GAPDH: variants seen among roughly 807,000 people sequenced by gnomAD.
GAPDH encodes glyceraldehyde-3-phosphate dehydrogenase.
In GAPDH, 13 loss-of-function variants were observed where a neutral mutation model predicts 31.2. That is an observed-to-expected ratio of 0.42 (90% CI 0.27 to 0.66). The LOEUF (loss-of-function observed/expected upper bound fraction) is 0.66, where lower values mean the gene tolerates loss of function less well. GAPDH is among the 30% of genes least tolerant of loss of function. GAPDH has a pLI of 0.26. For missense variants in GAPDH, 300 were observed against 443.7 expected (o/e 0.68, Z 2.91); for synonymous variants, 211 against 166.9 (o/e 1.26, Z -2.04).
intron 2 of GAPDH, 70 bp downstream of exon 2, chr12:6,534,931 G>A: frequency 1.3e-6 from 2 of 1,547,736 alleles, no homozygotes; most frequent in Non-Finnish European, 1.8e-6. Flanking sequence ...AGCCTTGCGG[G>A]CTCCGGGTCT....
In GAPDH at chr12:6,534,798, C is replaced by T. The variant is rs200278792; in HGVS notation, c.-23-12C>T. On this transcript the variant is annotated splice_polypyrimidine_tract_variant and intron_variant, in intron 1 of 8. Coordinates refer to ENST00000229239, the MANE Select transcript of GAPDH (RefSeq NM_002046.7). ...GGCCACTAGGCGCTCACTGTTCTCT[C>T]CCTCCGCGCAGCCGAGCCACATCGC... is the stretch of plus-strand genomic sequence containing the variant. The T allele has an allele frequency of 6.0e-5, 97 of 1,610,704 alleles. No individual in the cohort carries two copies. In the African/African-American group the frequency reaches 9.7e-4, roughly 16 times the overall value.
rs375488179 is a variant in GAPDH, at chr12:6,536,673, T to G, written c.130-11T>G. The G allele has an allele frequency of 1.0e-4, 169 of 1,611,052 alleles. 2 individuals carry two copies. Among genetic ancestry groups the G allele is most frequent in the Non-Finnish European group, 4.6e-5 (54 of 1,177,430 alleles). On this transcript the variant is annotated splice_polypyrimidine_tract_variant and intron_variant, in intron 3 of 8. Coordinates refer to ENST00000229239, the MANE Select transcript of GAPDH (RefSeq NM_002046.7). ...TGGGCAGCCCCTTCATACCCTCACG[T>G]ATTCCCCCAGGTTTACATGTTCCAA...
In GAPDH at chr12:6,536,804, A is replaced by G. The variant is rs1946478176; in HGVS notation, c.236+14A>G. On this transcript the variant is annotated intron_variant, in intron 4 of 8. Transcript: ENST00000229239. ...CATCTTCCAGGAGTGAGTGGAAGAC[A>G]GAATGGAAGAAATGTGCTTTGGGGA... is the stretch of plus-strand genomic sequence containing the variant. 4.4e-6 allele frequency: 7 copies of G among 1,607,302 alleles called. No homozygotes were observed. Among genetic ancestry groups the G allele is most frequent in the Non-Finnish European group, 5.1e-6 (6 of 1,173,712 alleles).
rs1298866363 is a variant in GAPDH at position 6,534,568 on chromosome 12, A to C, written c.-25A>C. ...CAGCCGCATCTTCTTTTGCGTCGCC[A>C]GGTGAAGACGGGCGGAGAGAAACCC... On this transcript the variant is annotated splice_region_variant and 5_prime_UTR_variant, in exon 1 of 9. Transcript: ENST00000229239. The C allele has an allele frequency of 7.5e-6, 4 of 532,890 alleles. No homozygotes were observed. The highest frequency in any genetic ancestry group is 7.0e-5 in the Admixed American group (2 of 28,628). The allele number at this position is 532,890 out of a possible 1,614,324, so 33.0% of individuals were successfully genotyped here.
Position 6,537,938 on chromosome 12 carries a change from ACCT to A in GAPDH, c.881_883del (p.Thr294_Phe295delinsIle). Reference sequence around the variant, plus strand: ...CTTCAACAGCGACACCCACTCCTCCACCTTTGACGCTGGGGCTGGCATTGCCCT... The same window carrying A: ...CTTCAACAGCGACACCCACTCCTCCATTGACGCTGGGGCTGGCATTGCCCT... On this transcript the variant is annotated inframe_deletion, in exon 8 of 9. Transcript: ENST00000229239. The surrounding 1 kb of genome is among the most constrained non-coding windows in gnomAD (Gnocchi z 4.9). 6.2e-7 allele frequency: 1 copy of A among 1,614,050 alleles called. No homozygotes were observed.
In GAPDH at chr12:6,535,171, G is replaced by T. The variant is rs923665488; in HGVS notation, c.29+310G>T. 1.3e-5 allele frequency: 14 copies of T among 1,090,156 alleles called. No homozygotes were observed. The African/African-American group carries it at 2.0e-4, about 15-fold the overall frequency. The allele number at this position is 1,090,156 out of a possible 1,614,324, so 67.5% of individuals were successfully genotyped here. A position where few individuals can be genotyped will look rare whatever the true frequency, so the allele number is the denominator to read the frequency against. ...TGGGGGACGCTTTCTTTCCTTTCGC[G>T]CTCTGCGGGGTCACGTGTCGCAGAG... is the stretch of plus-strand genomic sequence containing the variant. On this transcript the variant is annotated intron_variant, in intron 2 of 8. Coordinates refer to ENST00000229239, the MANE Select transcript of GAPDH (RefSeq NM_002046.7).
chr12:6,534,565 G>A lies in GAPDH; in HGVS notation c.-28G>A. ...AGTCAGCCGCATCTTCTTTTGCGTC[G>A]CCAGGTGAAGACGGGCGGAGAGAAA... On this transcript the variant is annotated 5_prime_UTR_variant, in exon 1 of 9. Transcript: ENST00000229239. 3.8e-6 allele frequency: 2 copies of A among 527,140 alleles called. No homozygotes were observed. Among genetic ancestry groups the A allele is most frequent in the African/African-American group, 2.1e-5 (1 of 48,604 alleles). The allele number at this position is 527,140 out of a possible 1,614,324, so 32.7% of individuals were successfully genotyped here. A position where few individuals can be genotyped will look rare whatever the true frequency, so the allele number is the denominator to read the frequency against.
intron 2 of GAPDH, among the ~76,000 whole-genome samples, chr12:6,536,268 G>A (rs772862276): frequency 8.5e-4 from 129 of 152,360 alleles, no homozygotes; most frequent in South Asian, 1.4e-3. Context: ...GAAGGGCTTC[G>A]TATGACTGGG....
chr12:6,536,598 G>C lies in GAPDH; in HGVS notation c.129+5G>C. 1 of 1,611,856 alleles carries C rather than the reference G, an allele frequency of 6.2e-7. No individual in the cohort carries two copies. The highest frequency in any genetic ancestry group is 8.5e-7 in the Non-Finnish European group (1 of 1,178,454). On this transcript the variant is annotated splice_donor_5th_base_variant and intron_variant, in intron 3 of 8. Coordinates refer to ENST00000229239, the MANE Select transcript of GAPDH (RefSeq NM_002046.7). ...TTCATTGACCTCAACTACATGGTGA[G>C]TGCTACATGGTGAGCCCCAAAGCTG...
chr12:6,538,063 T>C, intron 8 of GAPDH, 38 bp from the exon 9 acceptor site: 1 of 1,599,328 alleles, frequency 6.3e-7, no homozygotes, highest in Non-Finnish European at 8.5e-7. Context: ...GGTGGCTGGC[T>C]CAGAAAAAGG....
At position 6,537,409 on chromosome 12, in the gene GAPDH, G is replaced by A. The variant is rs1281468500; in HGVS notation, c.525+19G>A. On this transcript the variant is annotated intron_variant, in intron 7 of 8. Transcript: ENST00000229239. This position sits in a 1 kb window ranked among gnomAD's most constrained non-coding sequence, Gnocchi z 4.9. ...ACTCATGGTATGAGAGCTGGGGAATGGGACTGAGGCTCCCACCTTTCTCAT... is the reference window on the plus strand; with the variant it reads ...ACTCATGGTATGAGAGCTGGGGAATAGGACTGAGGCTCCCACCTTTCTCAT... 1 of 1,603,560 alleles carries A rather than the reference G, an allele frequency of 6.2e-7. No individual in the cohort carries two copies. The highest frequency in any genetic ancestry group is 8.5e-7 in the Non-Finnish European group (1 of 1,174,214).
At position 6,537,618 on chromosome 12, in the gene GAPDH, CTG is replaced by C. The variant is rs747164357; in HGVS notation, c.563_564del (p.Val188GlyfsTer10). On this transcript the variant is annotated frameshift_variant, in exon 8 of 9. Coordinates refer to ENST00000229239, the MANE Select transcript of GAPDH (RefSeq NM_002046.7). LOFTEE classifies it high-confidence loss of function. The surrounding 1 kb of genome is among the most constrained non-coding windows in gnomAD (Gnocchi z 4.9). ...CATGCCATCACTGCCACCCAGAAGA[CTG>C]TGGATGGCCCCTCCGGGAAACTGTG... 19 of 1,611,944 alleles carry C rather than the reference CTG, an allele frequency of 1.2e-5. No individual in the cohort carries two copies. Among genetic ancestry groups the C allele is most frequent in the Middle Eastern group, 2.1e-4 (1 of 4,760 alleles).
Position 6,537,046 on chromosome 12 carries a change from C to T in GAPDH, c.327+36C>T. 1 of 1,607,868 alleles carries T rather than the reference C, an allele frequency of 6.2e-7. No homozygotes were observed. Among genetic ancestry groups the T allele is most frequent in the South Asian group, 1.1e-5 (1 of 89,494 alleles). On this transcript the variant is annotated intron_variant, in intron 5 of 8. Coordinates refer to ENST00000229239, the MANE Select transcript of GAPDH (RefSeq NM_002046.7). This position sits in a 1 kb window ranked among gnomAD's most constrained non-coding sequence, Gnocchi z 4.9. ...GAGGGCCCGCGGGAGGGGAAGCTGA[C>T]TCAGCCCTGCAAAGGCAGGACCCGG... is the stretch of plus-strand genomic sequence containing the variant.
chr12:6,536,455 GC>G lies in GAPDH; in HGVS notation c.30-37del, dbSNP rs748568337. On this transcript the variant is annotated intron_variant, in intron 2 of 8. Transcript: ENST00000229239. ...AGGGCTGCTCACATATTCTGGAGGA[GC>G]CTCCCCTCCTCATGCCTTCTTGCCT... The G allele has an allele frequency of 2.0e-6, 3 of 1,467,924 alleles. No homozygotes were observed. In the East Asian group the frequency reaches 6.8e-5, roughly 33 times the overall value. 90.9% of individuals were successfully genotyped at this position (1,467,924 alleles called of 1,614,324 possible).
chr12:6,535,155 C>G, intron 2 of GAPDH: 2 of 1,048,130 alleles, frequency 1.9e-6, no homozygotes, highest in Non-Finnish European at 2.5e-6. Flanking sequence ...GTGGGGGACG[C>G]TTTCTTTCCT....
rs542448054 is a variant in GAPDH, at chr12:6,535,435, T to A, written c.29+574T>A. ...GAGCGAGGCTAGCTGGCCCGATTTC[T>A]CCTCCGGGTGATGCTTTTCCTAGAT... is the stretch of plus-strand genomic sequence containing the variant. On this transcript the variant is annotated intron_variant, in intron 2 of 8. Coordinates refer to ENST00000229239, the MANE Select transcript of GAPDH (RefSeq NM_002046.7). The A allele has an allele frequency of 1.9e-5, 19 of 987,634 alleles. No individual in the cohort carries two copies. In the African/African-American group the frequency reaches 3.3e-4, roughly 17 times the overall value. The allele number at this position is 987,634 out of a possible 1,614,324, so 61.2% of individuals were successfully genotyped here.
Position 6,535,489 on chromosome 12 carries a change from T to C in GAPDH, c.29+628T>C, listed in dbSNP as rs1051674484. On this transcript the variant is annotated intron_variant, in intron 2 of 8. Transcript: ENST00000229239. The stretch of plus-strand genomic sequence containing the variant: ...TCTCTGGTAAATCAAAGAAGTGGGT[T>C]TATGGAGGTCCTCTTGTGTCCCCTC... The C allele has an allele frequency of 6.1e-6, 6 of 976,538 alleles. No individual in the cohort carries two copies. The African/African-American group carries it at 1.1e-4, about 17-fold the overall frequency. 60.5% of individuals were successfully genotyped at this position (976,538 alleles called of 1,614,324 possible). A position where few individuals can be genotyped will look rare whatever the true frequency, so the allele number is the denominator to read the frequency against.
intron 2 of GAPDH, chr12:6,535,476 C>T: frequency 4.1e-6 from 4 of 985,046 alleles, no homozygotes; most frequent in Non-Finnish European, 4.8e-6. Flanking sequence ...TCTGGTAAAT[C>T]AAAGAAGTGG....
chr12:6,535,389 G>A, intron 2 of GAPDH: 1 of 989,064 alleles, frequency 1.0e-6, no homozygotes. Context: ...GTGGAGTCGC[G>A]TGTGGCGGGG....
Sources: allele counts gnomAD v4.1 joint callset (sites outside exome capture counted in the v4.1 genomes callset), GRCh38; gene constraint gnomAD v4.1.1; non-coding constraint Gnocchi (gnomAD v3.1); transcripts MANE v1.5; gene names NCBI Gene and HGNC (gene_info 2026-07-23, HGNC 2026-07-21).